Variants in PCID2 observed in about 807,000 individuals in gnomAD.
PCID2 encodes PCI domain-containing protein 2.
A neutral mutation model predicts 61.3 loss-of-function variants in PCID2; 41 were observed. The observed-to-expected ratio is 0.67, with a 90% CI of 0.52 to 0.87. PCID2 has a LOEUF of 0.87. PCID2 is among the 40% of genes least tolerant of loss of function. The pLI, the probability that PCID2 is intolerant of heterozygous loss-of-function variation, is 0.00. For synonymous variants in PCID2, 187 were observed against 177.8 expected (o/e 1.05, Z -0.41); for missense variants, 392 against 493.4 (o/e 0.79, Z 1.95).
intron 5 of PCID2, among the ~76,000 whole-genome samples, chr13:113,195,876 A>G (rs187436426): frequency 2.2e-4 from 34 of 152,364 alleles, no homozygotes; most frequent in African/African-American, 7.9e-4. Flanking sequence ...TTTAAAACCA[A>G]AAGTTCAAAA....
rs9577480 is a variant in PCID2 at position 113,184,222 on chromosome 13, T to C, written c.685+124A>G. 12,964 of 950,822 alleles carry C rather than the reference T, an allele frequency of 0.014. 954 individuals are homozygous for C. The East Asian group carries it at 0.19, about 14-fold the overall frequency. 58.9% of individuals were successfully genotyped at this position (950,822 alleles called of 1,614,324 possible). The stretch of plus-strand genomic sequence containing the variant: ...TCAGCTTTAGTGTCAAATATGTATA[T>C]ATAACTTGGTCCACATTTAAAAATA... On this transcript the variant is annotated intron_variant, in intron 9 of 13. Transcript: ENST00000337344.
In PCID2 at chr13:113,180,150, T is replaced by C. The variant is rs374523330; in HGVS notation, c.860+8A>G. The C allele has an allele frequency of 1.9e-6, 3 of 1,613,720 alleles. No homozygotes were observed. The highest frequency in any genetic ancestry group is 2.5e-6 in the Non-Finnish European group (3 of 1,179,662). ...AAAACCCCAAACAGGAAGGATGGCATACTCTACCTCACAGCTCTGGTTACT... is the reference window on the plus strand; with the variant it reads ...AAAACCCCAAACAGGAAGGATGGCACACTCTACCTCACAGCTCTGGTTACT... On this transcript the variant is annotated splice_region_variant and intron_variant, in intron 11 of 13. Transcript: ENST00000337344.
intron 1 of PCID2, among the ~76,000 whole-genome samples, chr13:113,205,487 A>G (rs1023057348): frequency 6.6e-6 from 1 of 152,268 alleles, no homozygotes; most frequent in Non-Finnish European, 1.5e-5. Context: ...CAGAATTACC[A>G]TATGACTCAG....
In PCID2 at chr13:113,179,902, C is replaced by T. The variant is rs143246835; in HGVS notation, c.986+15G>A. On this transcript the variant is annotated intron_variant, in intron 12 of 13. Transcript: ENST00000337344. This position sits in a 1 kb window ranked among gnomAD's most constrained non-coding sequence, Gnocchi z 4.3. ...GAGCCACACTGGGAGCCCAATGTGCCGGGGAAATGCTTACACTTTCTTAAA... is the reference window on the plus strand; with the variant it reads ...GAGCCACACTGGGAGCCCAATGTGCTGGGGAAATGCTTACACTTTCTTAAA... The T allele has an allele frequency of 5.1e-5, 82 of 1,607,146 alleles. No individual in the cohort carries two copies. In the South Asian group the frequency reaches 7.6e-4, roughly 15 times the overall value.
chr13:113,204,464 C>T (rs1251314805), intron 1 of PCID2, among the ~76,000 whole-genome samples: 1 of 152,210 alleles, frequency 6.6e-6, no homozygotes, highest in East Asian at 1.9e-4. Flanking sequence ...GAGACCCCTG[C>T]TGGGGGCACT....
At chr13:113,172,208 C>A in the PCID2 span, 1 of 1,481,808 alleles carries the variant, frequency 6.7e-7, no homozygotes, top group African/African-American at 1.4e-5. Flanking sequence ...CACTGAGAGG[C>A]CGTCACAGCC....
intron 4 of PCID2, 191 bp downstream of exon 4, chr13:113,196,987 C>CT (rs1566972444): frequency 1.4e-6 from 2 of 1,459,282 alleles, no homozygotes; most frequent in African/African-American, 2.8e-5. Flanking sequence ...AAGTACTGCA[C>CT]GAGTCTTCAG....
the PCID2 span, among the ~76,000 whole-genome samples, chr13:113,171,436 C>T: frequency 2.6e-5 from 4 of 152,138 alleles, no homozygotes; most frequent in South Asian, 2.1e-4. The surrounding 1 kb of genome is among the most constrained non-coding windows in gnomAD (Gnocchi z 5.1). Flanking sequence ...CCTTTCTGTC[C>T]GCAGAAAGGC....
At chr13:113,167,037 C>G in the PCID2 span, among the ~76,000 whole-genome samples, 7 of 152,174 alleles carry the variant, frequency 4.6e-5, no homozygotes, top group African/African-American at 1.7e-4. Context: ...ATAAATTGTT[C>G]TGAAGTTATT....
Position 113,195,666 on chromosome 13 carries a change from CA to C in PCID2, c.308+514del, listed in dbSNP as rs772171826. The stretch of plus-strand genomic sequence containing the variant: ...TCGGCGACTGAGCAAGACTCCTTCT[CA>C]AAAAAAAAAAAAGATAAAAGGGCGG... On this transcript the variant is annotated intron_variant, in intron 5 of 13. Transcript: ENST00000337344. Among the ~76,000 whole-genome samples the C allele has an allele frequency of 2.0e-3, 261 of 131,634 alleles. 2 individuals are homozygous for C. Among genetic ancestry groups the C allele is most frequent in the Middle Eastern group, 7.6e-3 (2 of 264 alleles). The allele number at this position is 131,634 out of a possible 152,430, so 86.4% of individuals were successfully genotyped here.
At chr13:113,167,010 T>C in the PCID2 span, among the ~76,000 whole-genome samples, 13 of 152,342 alleles carry the variant, frequency 8.5e-5, no homozygotes, top group East Asian at 2.5e-3. Flanking sequence ...TACTATTAGA[T>C]TTTTTACTTC....
chr13:113,198,110 A>G (rs1313005147), intron 3 of PCID2, 81 bp downstream of exon 3: 6 of 934,530 alleles, frequency 6.4e-6, no homozygotes, highest in Admixed American at 2.3e-5. Flanking sequence ...TGCTTCAAGC[A>G]CAAGATAATG....
At chr13:113,188,887 A>G (rs1203854663) in intron 7 of PCID2, among the ~76,000 whole-genome samples, 1 of 152,172 alleles carries the variant, frequency 6.6e-6, no homozygotes. Context: ...TTGAGGCTAC[A>G]GAGTTTATTG....
At chr13:113,172,492 GACA>G in the PCID2 span, 5 of 314,010 alleles carry the variant, frequency 1.6e-5, no homozygotes, top group Non-Finnish European at 3.1e-5. Context: ...GTGCAGAAGC[GACA>G]ACAATCTCCG....
chr13:113,208,222 G>T (rs2040077892), intron 1 of PCID2: 1 of 1,515,782 alleles, frequency 6.6e-7, no homozygotes, highest in East Asian at 2.4e-5. Flanking sequence ...GGGAAACAGC[G>T]TCCATCCGAC....
At chr13:113,193,640 T>C (rs2038784591) in intron 6 of PCID2, among the ~76,000 whole-genome samples, 1 of 152,200 alleles carries the variant, frequency 6.6e-6, no homozygotes, top group Non-Finnish European at 1.5e-5. Context: ...TTAAAATCTT[T>C]TCTAATTAAA....
In PCID2 at chr13:113,208,641, G is replaced by A; in HGVS notation, c.-7C>T. The stretch of plus-strand genomic sequence containing the variant: ...TAATGGTAATGTGCGCCATGGGAGC[G>A]CCGCCGAACGGAGAGCGCCACCCCC... On this transcript the variant is annotated 5_prime_UTR_variant, in exon 1 of 14. Coordinates refer to ENST00000337344, the MANE Select transcript of PCID2 (RefSeq NM_001127202.4). 1.9e-6 allele frequency: 3 copies of A among 1,602,932 alleles called. No individual in the cohort carries two copies. The highest frequency in any genetic ancestry group is 1.7e-5 in the Admixed American group (1 of 58,978).
intron 3 of PCID2, 93 bp downstream of exon 3, chr13:113,198,098 A>T: frequency 1.2e-6 from 1 of 846,416 alleles, no homozygotes; most frequent in Non-Finnish European, 1.9e-6. Context: ...TCAGTTATTC[A>T]CTGCTTCAAG....
At chr13:113,195,887 T>C (rs566002765) in intron 5 of PCID2, among the ~76,000 whole-genome samples, 34 of 152,280 alleles carry the variant, frequency 2.2e-4, no homozygotes, top group African/African-American at 7.9e-4. Flanking sequence ...AAGTTCAAAA[T>C]TGACAACTGA....
Sources: gnomAD v4.1 joint callset for allele counts (sites outside exome capture counted in the v4.1 genomes callset) on GRCh38, gnomAD v4.1.1 for gene constraint, Gnocchi (gnomAD v3.1) non-coding constraint, MANE v1.5 for transcripts, NCBI Gene and HGNC (gene_info 2026-07-23, HGNC 2026-07-21) for gene names.